The following RTN4 variants were observed in gnomAD, a reference collection of about 807,000 sequenced individuals.
The protein encoded by RTN4 is reticulon 4, also known as reticulon-4.
In RTN4, 32 loss-of-function variants were observed where a neutral mutation model predicts 90.4. The observed-to-expected ratio is 0.35, with a 90% confidence interval of 0.27 to 0.48. The LOEUF (loss-of-function observed/expected upper bound fraction) is 0.48, where lower values mean the gene tolerates loss of function less well. RTN4 is among the 20% of genes least tolerant of loss of function. RTN4 has a pLI of 0.99. For missense variants in RTN4, 1,706 were observed against 1,430.2 expected (o/e 1.19, Z -3.11); for synonymous variants, 629 against 552.5 (o/e 1.14, Z -1.94).
chr2:55,000,775 T>C (rs560028197), intron 3 of RTN4, among the ~76,000 whole-genome samples: 28 of 152,284 alleles, frequency 1.8e-4, no homozygotes, highest in Middle Eastern at 3.4e-3. Context: ...CTCAAGTTTC[T>C]TTTTATGCTA....
intron 3 of RTN4, among the ~76,000 whole-genome samples, chr2:55,001,481 A>G (rs1679848226): frequency 6.6e-6 from 1 of 152,226 alleles, no homozygotes; most frequent in Non-Finnish European, 1.5e-5. Flanking sequence ...AAATTTTCAT[A>G]AATAAGAAAA....
chr2:55,097,896 G>A (rs1445682618), intron 1 of RTN4, among the ~76,000 whole-genome samples: 2 of 151,940 alleles, frequency 1.3e-5, no homozygotes, highest in African/African-American at 4.8e-5. Context: ...CAGGAAGCAG[G>A]TGGAGTCTGA....
chr2:55,133,826 G>A, the RTN4 span, among the ~76,000 whole-genome samples: 1 of 152,174 alleles, frequency 6.6e-6, no homozygotes, highest in Admixed American at 6.5e-5. Flanking sequence ...GTTCAGCCCA[G>A]GAAGTCATGT....
At chr2:55,021,687 A>C in intron 3 of RTN4, among the ~76,000 whole-genome samples, 1 of 152,196 alleles carries the variant, frequency 6.6e-6, no homozygotes, top group African/African-American at 2.4e-5. Context: ...TTAAGTTGCA[A>C]GGACTTGAGC....
intron 4 of RTN4, among the ~76,000 whole-genome samples, chr2:54,985,940 T>C (rs908619140): frequency 1.3e-5 from 2 of 152,228 alleles, no homozygotes; most frequent in African/African-American, 4.8e-5. Context: ...GATCTCCTTA[T>C]GCAAAACAAT....
At chr2:55,080,228 C>T (rs952205949) in intron 2 of RTN4, among the ~76,000 whole-genome samples, 9 of 151,904 alleles carry the variant, frequency 5.9e-5, no homozygotes, top group East Asian at 1.9e-4. Context: ...ATGTCACCCA[C>T]GCTGGTCTTG....
intron 1 of RTN4, among the ~76,000 whole-genome samples, chr2:55,091,968 G>GTCCC (rs1668945560): frequency 6.6e-6 from 1 of 152,216 alleles, no homozygotes; most frequent in Admixed American, 6.5e-5. Flanking sequence ...CTCCCCCTGG[G>GTCCC]TCCCTCCCAC....
chr2:55,069,240 T>C (rs1668446571), intron 2 of RTN4, among the ~76,000 whole-genome samples: 2 of 152,212 alleles, frequency 1.3e-5, no homozygotes, highest in South Asian at 4.1e-4. Flanking sequence ...AGTCCAGTCG[T>C]CTTCAAGAAA....
At chr2:55,038,900 G>C (rs145007139) in intron 1 of RTN4, among the ~76,000 whole-genome samples, 12 of 152,182 alleles carry the variant, frequency 7.9e-5, no homozygotes, top group African/African-American at 1.2e-4. Flanking sequence ...TCTTAGCATG[G>C]AATACCACTC....
intron 1 of RTN4, among the ~76,000 whole-genome samples, chr2:55,081,301 T>C (rs554169305): frequency 6.6e-6 from 1 of 152,168 alleles, no homozygotes; most frequent in Admixed American, 6.5e-5. Context: ...CGGCTCGAAC[T>C]CCTGGGCTCA....
At chr2:55,048,204 G>A (rs1326899089) in intron 1 of RTN4, among the ~76,000 whole-genome samples, 1 of 152,202 alleles carries the variant, frequency 6.6e-6, no homozygotes, top group Non-Finnish European at 1.5e-5. Context: ...GCAGGGCACT[G>A]GCCATGAACA....
chr2:55,011,788 T>C (rs1329990613), intron 3 of RTN4, among the ~76,000 whole-genome samples: 2 of 152,188 alleles, frequency 1.3e-5, no homozygotes, highest in Non-Finnish European at 2.9e-5. Context: ...CAATGACACA[T>C]TTATTTCCCT....
At chr2:54,982,116 C>T (rs1470853437) in intron 5 of RTN4, among the ~76,000 whole-genome samples, 2 of 150,728 alleles carry the variant, frequency 1.3e-5, no homozygotes, top group Non-Finnish European at 2.9e-5. Context: ...ACCACCACGC[C>T]TGGCTAATTT....
intron 1 of RTN4, among the ~76,000 whole-genome samples, chr2:55,092,324 C>T (rs2968805): frequency 0.44 from 65,935 of 150,782 alleles, 14,563 homozygotes; most frequent in East Asian, 0.53. Flanking sequence ...TAACCTCCAC[C>T]TCCTGGGTTC....
intron 3 of RTN4, among the ~76,000 whole-genome samples, chr2:55,022,896 A>ACACACACACACACACAC (rs1681543432): frequency 7.3e-6 from 1 of 137,386 alleles, no homozygotes; most frequent in Non-Finnish European, 1.6e-5. Flanking sequence ...TTCAACATCC[A>ACACACACACACACACAC]ACACACACAC....
chr2:55,056,504 T>A (rs1348575879), intron 2 of RTN4: 1 of 151,958 alleles, frequency 6.6e-6, no homozygotes, highest in African/African-American at 2.4e-5. Flanking sequence ...GGTGGGCAAA[T>A]CACTTGAGGT....
Position 55,025,971 on chromosome 2 carries a change from C to A in RTN4, c.2128G>T (p.Glu710Ter). The change falls in exon 3 of 9, where the codon GAA becomes TAA. Residue 710 changes from glutamate (E) to a stop codon, truncating the protein, a stop_gained. Coordinates refer to ENST00000337526, the MANE Select transcript of RTN4 (RefSeq NM_020532.5). LOFTEE classifies it high-confidence loss of function. ...TAATCAGAGAAATCCGGAGCTGGTT[C>A]AGCAGAAAGCTTTGTTTCTTTAATT... ...DLIKETKLSAEPAPDFSDYSE... is the reference protein window; with the variant it reads ...DLIKETKLSA 6.2e-7 allele frequency: 1 copy of A among 1,612,882 alleles called. No individual in the cohort carries two copies. The highest frequency in any genetic ancestry group is 8.5e-7 in the Non-Finnish European group (1 of 1,179,810).
In RTN4 at chr2:55,027,343, A is replaced by G. The variant is rs1197502762; in HGVS notation, c.756T>C (p.Leu252=). The change falls in exon 3 of 9, where the codon CTT becomes CTC. Residue 252 remains leucine (L), a synonymous_variant. Coordinates refer to ENST00000337526, the MANE Select transcript of RTN4 (RefSeq NM_020532.5). ...TGGGTAATACTGTTGACAAATTACC[A>G]AGGTATTCATGTTCTTTGAAAGAAG... ...SAASFKEHEY[L]GNLSTVLPTE... The G allele has an allele frequency of 1.3e-5, 21 of 1,613,596 alleles. No individual in the cohort carries two copies. The highest frequency in any genetic ancestry group is 1.7e-5 in the Non-Finnish European group (20 of 1,179,774).
chr2:55,038,136 A>G (rs920123953), intron 1 of RTN4, among the ~76,000 whole-genome samples: 2 of 152,116 alleles, frequency 1.3e-5, no homozygotes, highest in Non-Finnish European at 2.9e-5. Flanking sequence ...GACAAAAACT[A>G]CCTCAAAACG....
Sources: gnomAD v4.1 joint callset for allele counts (sites outside exome capture counted in the v4.1 genomes callset) on GRCh38, gnomAD v4.1.1 for gene constraint, MANE v1.5 for transcripts, NCBI Gene and HGNC (gene_info 2026-07-23, HGNC 2026-07-21) for gene names.